The following DGLUCY variants were observed in gnomAD, a reference collection of about 807,000 sequenced individuals.
The protein encoded by DGLUCY is D-glutamate cyclase, mitochondrial.
In DGLUCY, 58 loss-of-function variants were observed where a neutral mutation model predicts 58.5. The ratio of observed to expected loss-of-function variants is 0.99; its 90% confidence interval spans 0.80 to 1.23. DGLUCY has a LOEUF of 1.23. Among genes scored for constraint, DGLUCY ranks in the 50% most tolerant of loss-of-function variants. The pLI, the probability that DGLUCY is intolerant of heterozygous loss-of-function variation, is 0.00. For missense variants in DGLUCY, 779 were observed against 784.7 expected (o/e 0.99, Z 0.09); for synonymous variants, 325 against 314.1 (o/e 1.03, Z -0.37).
chr14:91,215,398 G>A lies in DGLUCY; in HGVS notation c.1565-7G>A. The A allele has an allele frequency of 1.2e-6, 2 of 1,600,790 alleles. No homozygotes were observed. The highest frequency in any genetic ancestry group is 1.7e-6 in the Non-Finnish European group (2 of 1,171,044). On this transcript the variant is annotated splice_region_variant and splice_polypyrimidine_tract_variant and intron_variant, in intron 12 of 13. Transcript: ENST00000256324. The stretch of plus-strand genomic sequence containing the variant: ...CTCCATGATGGAATCTTGTTTTGCT[G>A]TTCTAGGTGTTTCTAACTGGGGAGG...
chr14:91,141,021 T>C (rs2046637055), intron 1 of DGLUCY, among the ~76,000 whole-genome samples: 1 of 152,176 alleles, frequency 6.6e-6, no homozygotes, highest in African/African-American at 2.4e-5. Flanking sequence ...AGGCTGGTCA[T>C]GATGGCCGAG....
chr14:91,193,304 G>GCTGC (rs1484677646), intron 9 of DGLUCY, among the ~76,000 whole-genome samples: 1 of 152,136 alleles, frequency 6.6e-6, no homozygotes, highest in Non-Finnish European at 1.5e-5. Context: ...GGTATTTTCA[G>GCTGC]CTGCCCCCTT....
At chr14:91,078,843 T>G (rs2140042548) in intron 1 of DGLUCY, among the ~76,000 whole-genome samples, 1 of 151,938 alleles carries the variant, frequency 6.6e-6, no homozygotes, top group South Asian at 2.1e-4. Flanking sequence ...TCTTCCAATA[T>G]TTCTATTTTG....
intron 1 of DGLUCY, among the ~76,000 whole-genome samples, chr14:91,086,587 AT>A (rs974907870): frequency 2.6e-5 from 4 of 151,100 alleles, no homozygotes; most frequent in South Asian, 2.1e-4. Flanking sequence ...ACAACCTTTC[AT>A]TTTTTTTTCT....
At chr14:91,074,104 AAT>A (rs1175322033) in intron 1 of DGLUCY, among the ~76,000 whole-genome samples, 2,055 of 95,876 alleles carry the variant, frequency 0.021, 69 homozygotes, top group African/African-American at 0.033. Flanking sequence ...AAAAAAAAAA[AAT>A]ATATATATAT....
Position 91,063,677 on chromosome 14 carries a change from C to T in DGLUCY, c.-82+2973C>T, listed in dbSNP as rs531704123. Among the ~76,000 whole-genome samples the T allele has an allele frequency of 7.2e-5, 11 of 152,308 alleles. No homozygotes were observed. The South Asian group carries it at 8.3e-4, about 11-fold the overall frequency. ...TCCTGAGGCAGGCAAAGAGCCTATT[C>T]GGTTGAGAGATTGAGAAAGGCAGTG... On this transcript the variant is annotated intron_variant, in intron 1 of 4. Transcript: ENST00000521334.
intron 1 of DGLUCY, among the ~76,000 whole-genome samples, chr14:91,149,175 C>T (rs12589843): frequency 8.0e-5 from 12 of 149,550 alleles, no homozygotes; most frequent in African/African-American, 2.7e-4. Flanking sequence ...TGAACCCGTG[C>T]GGCGGAGGTT....
intron 1 of DGLUCY, among the ~76,000 whole-genome samples, chr14:91,109,006 C>T (rs2044649372): frequency 6.6e-6 from 1 of 152,070 alleles, no homozygotes. Context: ...GGAAGGAAAG[C>T]TGGCTGCTCC....
At chr14:91,087,741 A>G (rs1276879489) in intron 1 of DGLUCY, among the ~76,000 whole-genome samples, 1 of 152,214 alleles carries the variant, frequency 6.6e-6, no homozygotes, top group Non-Finnish European at 1.5e-5. Flanking sequence ...TGGGCACAGC[A>G]GTAGGGTGGA....
At chr14:91,122,602 G>GTTTTTTTTTTTTTTT (rs60627604) in intron 1 of DGLUCY, among the ~76,000 whole-genome samples, 1 of 104,816 alleles carries the variant, frequency 9.5e-6, no homozygotes, top group African/African-American at 3.9e-5. Context: ...AAAGAAAAAA[G>GTTTTTTTTTTTTTTT]TTTTTTTTTT....
intron 8 of DGLUCY, among the ~76,000 whole-genome samples, chr14:91,182,074 G>A (rs976975743): frequency 2.7e-5 from 4 of 149,008 alleles, no homozygotes; most frequent in Non-Finnish European, 4.5e-5. Flanking sequence ...TCCATCTCCC[G>A]GGTTCAAGTG....
At chr14:91,075,078 A>G (rs2043998285) in intron 1 of DGLUCY, among the ~76,000 whole-genome samples, 1 of 151,884 alleles carries the variant, frequency 6.6e-6, no homozygotes, top group African/African-American at 2.4e-5. Flanking sequence ...GTCTCAAAAA[A>G]AAAAAAAAAA....
chr14:91,181,961 G>A (rs2049202421), intron 8 of DGLUCY, among the ~76,000 whole-genome samples: 1 of 139,696 alleles, frequency 7.2e-6, no homozygotes, highest in Admixed American at 6.9e-5. Context: ...TCTTCTTTAT[G>A]GCTTTTTATT....
At chr14:91,162,412 A>G (rs1177544754) in intron 3 of DGLUCY, among the ~76,000 whole-genome samples, 1 of 152,172 alleles carries the variant, frequency 6.6e-6, no homozygotes, top group African/African-American at 2.4e-5. Context: ...TGCACAAATC[A>G]CATTAGACCA....
chr14:91,193,756 C>T (rs942183618), intron 9 of DGLUCY, among the ~76,000 whole-genome samples: 4 of 151,490 alleles, frequency 2.6e-5, no homozygotes, highest in Admixed American at 6.6e-5. Flanking sequence ...GCAGGAGAAC[C>T]GCTTGAACCT....
At chr14:91,125,991 C>T (rs569630920) in intron 1 of DGLUCY, among the ~76,000 whole-genome samples, 2 of 152,262 alleles carry the variant, frequency 1.3e-5, no homozygotes, top group African/African-American at 4.8e-5. Context: ...TAGCTGGGGT[C>T]ATGTGACCAT....
intron 1 of DGLUCY, chr14:91,115,268 G>A (rs2044853305): frequency 6.5e-6 from 1 of 152,688 alleles, no homozygotes; most frequent in South Asian, 2.1e-4. Context: ...GCCGAGAGTA[G>A]GAAGAAGAAA....
At chr14:91,123,000 A>G (rs2045474864) in intron 1 of DGLUCY, among the ~76,000 whole-genome samples, 1 of 152,186 alleles carries the variant, frequency 6.6e-6, no homozygotes. Flanking sequence ...ATAAAGACAG[A>G]TAAGACACAG....
chr14:91,155,956 G>T (rs1216252657), intron 1 of DGLUCY, among the ~76,000 whole-genome samples: 2 of 152,110 alleles, frequency 1.3e-5, no homozygotes, highest in Non-Finnish European at 2.9e-5. Flanking sequence ...CCCTCTGAGG[G>T]CACCACTGAT....
Sources: allele counts gnomAD v4.1 joint callset (sites outside exome capture counted in the v4.1 genomes callset), GRCh38; gene constraint gnomAD v4.1.1; transcripts MANE v1.5; gene names NCBI Gene and HGNC (gene_info 2026-07-23, HGNC 2026-07-21).